The following TGFBR3 variants were observed in gnomAD, a reference collection of about 807,000 sequenced individuals.
The protein encoded by TGFBR3 is transforming growth factor beta receptor 3, also known as transforming growth factor beta receptor type 3.
A neutral mutation model predicts 87.9 loss-of-function variants in TGFBR3; 46 were observed. The observed-to-expected ratio is 0.52, with a 90% CI of 0.41 to 0.67. The LOEUF is 0.67. Among genes scored for constraint, TGFBR3 ranks in the 30% least tolerant of loss-of-function variants. TGFBR3 has a pLI of 0.00. For missense variants in TGFBR3, 866 were observed against 1,041.9 expected (o/e 0.83, Z 2.32); for synonymous variants, 381 against 391.6 (o/e 0.97, Z 0.32).
At chr1:91,900,931 G>A (rs917499499) in intron 1 of TGFBR3, among the ~76,000 whole-genome samples, 1 of 152,208 alleles carries the variant, frequency 6.6e-6, no homozygotes, top group Non-Finnish European at 1.5e-5. Context: ...TTGTCATGTT[G>A]CTCAGGCTGG....
At chr1:91,880,341 C>G (rs377259588) in intron 1 of TGFBR3, among the ~76,000 whole-genome samples, 2 of 152,176 alleles carry the variant, frequency 1.3e-5, no homozygotes, top group East Asian at 1.9e-4. Context: ...TGGCTCACAC[C>G]TGTAATCCCA....
chr1:91,791,020 A>C (rs1164364656), intron 3 of TGFBR3, among the ~76,000 whole-genome samples: 2 of 152,242 alleles, frequency 1.3e-5, no homozygotes, highest in South Asian at 2.1e-4. Flanking sequence ...ATAGGTAGGT[A>C]GGTAGATAAA....
chr1:91,811,411 T>C (rs1028040343), intron 2 of TGFBR3, among the ~76,000 whole-genome samples: 1 of 152,326 alleles, frequency 6.6e-6, no homozygotes, highest in Admixed American at 6.5e-5. Context: ...AAAGCAAGAA[T>C]CAGTGATTTT....
At chr1:91,835,228 A>G (rs1374776630) in intron 2 of TGFBR3, among the ~76,000 whole-genome samples, 1 of 152,184 alleles carries the variant, frequency 6.6e-6, no homozygotes. Flanking sequence ...AGCTCCCTCA[A>G]CTTTGACACA....
At chr1:91,732,919 T>C (rs965070461) in intron 5 of TGFBR3, among the ~76,000 whole-genome samples, 1 of 152,240 alleles carries the variant, frequency 6.6e-6, no homozygotes, top group South Asian at 2.1e-4. Flanking sequence ...ACATTCTAAA[T>C]GTTATTATAA....
At chr1:91,777,893 TG>T in intron 3 of TGFBR3, among the ~76,000 whole-genome samples, 1 of 152,314 alleles carries the variant, frequency 6.6e-6, no homozygotes, top group Admixed American at 6.5e-5. Context: ...TCCAACTGCC[TG>T]GTTCTAATTT....
Position 91,722,152 on chromosome 1 carries a change from T to TA in TGFBR3, c.886-9dup. 1 of 1,613,036 alleles carries TA rather than the reference T, an allele frequency of 6.2e-7. No individual in the cohort carries two copies. Among genetic ancestry groups the TA allele is most frequent in the African/African-American group, 1.3e-5 (1 of 75,012 alleles). On this transcript the variant is annotated splice_polypyrimidine_tract_variant and intron_variant, in intron 7 of 16. Coordinates refer to ENST00000212355, the MANE Select transcript of TGFBR3 (RefSeq NM_003243.5). The stretch of plus-strand genomic sequence containing the variant: ...GCCAATACTGTTAGGAGCCTGAAGA[T>TA]ATAGCAAAAAAATCACTCATGAGTC...
At chr1:91,866,511 C>A (rs1678400226) in intron 1 of TGFBR3, among the ~76,000 whole-genome samples, 2 of 152,128 alleles carry the variant, frequency 1.3e-5, no homozygotes, top group South Asian at 4.1e-4. Context: ...AAAAAAGACG[C>A]CAAAAATCCT....
intron 2 of TGFBR3, among the ~76,000 whole-genome samples, chr1:91,894,634 G>T (rs927566025): frequency 6.6e-6 from 1 of 152,222 alleles, no homozygotes; most frequent in African/African-American, 2.4e-5. Flanking sequence ...TGGCTGCAGG[G>T]ATAAGATGTA....
chr1:91,752,136 C>G (rs182989448), intron 4 of TGFBR3, among the ~76,000 whole-genome samples: 66 of 152,240 alleles, frequency 4.3e-4, no homozygotes, highest in Non-Finnish European at 7.1e-4. Flanking sequence ...GAAACAAAAA[C>G]CTGAATTACC....
At chr1:91,894,730 G>A (rs1679519505) in intron 2 of TGFBR3, among the ~76,000 whole-genome samples, 2 of 152,186 alleles carry the variant, frequency 1.3e-5, no homozygotes, top group Admixed American at 6.5e-5. Flanking sequence ...TCTAAATGTT[G>A]GCTTGTCCCA....
chr1:91,819,251 C>T (rs1676356944), intron 2 of TGFBR3, among the ~76,000 whole-genome samples: 1 of 152,048 alleles, frequency 6.6e-6, no homozygotes, highest in African/African-American at 2.4e-5. Context: ...GCCTGTAATC[C>T]CAGCTACCTA....
At chr1:91,825,861 G>A (rs1290072376) in intron 2 of TGFBR3, among the ~76,000 whole-genome samples, 1 of 151,868 alleles carries the variant, frequency 6.6e-6, no homozygotes, top group Non-Finnish European at 1.5e-5. Flanking sequence ...GGTGCCTGCA[G>A]TCCCAGCTCT....
chr1:91,871,248 G>A (rs930221264), intron 1 of TGFBR3, among the ~76,000 whole-genome samples: 14 of 152,162 alleles, frequency 9.2e-5, no homozygotes, highest in African/African-American at 3.1e-4. Context: ...GGCCCTGCAT[G>A]GACACTCACT....
intron 7 of TGFBR3, among the ~76,000 whole-genome samples, chr1:91,724,497 C>T (rs1672483596): frequency 6.6e-6 from 1 of 152,206 alleles, no homozygotes; most frequent in Non-Finnish European, 1.5e-5. Flanking sequence ...ATCATAACTG[C>T]CACCTGTCCT....
intron 2 of TGFBR3, among the ~76,000 whole-genome samples, chr1:91,798,925 T>C (rs531917762): frequency 1.3e-5 from 2 of 152,274 alleles, no homozygotes; most frequent in South Asian, 2.1e-4. Context: ...GCTGGATTGA[T>C]AGAGACATAC....
intron 2 of TGFBR3, among the ~76,000 whole-genome samples, chr1:91,807,891 T>C (rs893358736): frequency 6.6e-6 from 1 of 152,220 alleles, no homozygotes; most frequent in Admixed American, 6.5e-5. Context: ...GCTTGACTTA[T>C]AGATCAAATG....
intron 3 of TGFBR3, among the ~76,000 whole-genome samples, chr1:91,785,043 T>C (rs373626871): frequency 6.6e-6 from 1 of 152,216 alleles, no homozygotes; most frequent in Admixed American, 6.5e-5. Context: ...TATTATCAAA[T>C]GGGTGTGGCT....
chr1:91,820,972 T>C (rs1156657587), intron 2 of TGFBR3, among the ~76,000 whole-genome samples: 1 of 152,210 alleles, frequency 6.6e-6, no homozygotes, highest in Non-Finnish European at 1.5e-5. Context: ...CGAGAGGAAC[T>C]CTGACTTTGC....
Sources: gnomAD v4.1 joint callset for allele counts (sites outside exome capture counted in the v4.1 genomes callset) on GRCh38, gnomAD v4.1.1 for gene constraint, MANE v1.5 for transcripts, NCBI Gene and HGNC (gene_info 2026-07-23, HGNC 2026-07-21) for gene names.